The following HOXC5 variants were observed in gnomAD, a reference collection of about 807,000 sequenced individuals.
HOXC5 encodes the protein homeobox C5, also known as homeobox protein Hox-C5.
A neutral mutation model predicts 20.1 loss-of-function variants in HOXC5; 19 were observed. The observed-to-expected ratio is 0.94, with a 90% CI of 0.66 to 1.38. The LOEUF is 1.38. Among genes scored for constraint, HOXC5 ranks in the 40% most tolerant of loss-of-function variants. HOXC5 has a pLI of 0.00. For missense variants in HOXC5, 330 were observed against 300.1 expected (o/e 1.10, Z -0.74); for synonymous variants, 124 against 117.0 (o/e 1.06, Z -0.39).
At position 54,034,601 on chromosome 12, in the gene HOXC5, A is replaced by C. The variant is rs1357895216; in HGVS notation, c.*109A>C. On this transcript the variant is annotated 3_prime_UTR_variant, in exon 2 of 2. Coordinates refer to ENST00000312492, the MANE Select transcript of HOXC5 (RefSeq NM_018953.4). ...TCGGGTCGGGGGCAGGTGCTGGAGC[A>C]CTGGGCTCCCGGGCCCCACAGACAA... The C allele has an allele frequency of 5.7e-6, 5 of 881,170 alleles. No homozygotes were observed. In the African/African-American group the frequency reaches 6.8e-5, roughly 12 times the overall value. The allele number at this position is 881,170 out of a possible 1,614,324, so 54.6% of individuals were successfully genotyped here. A position where few individuals can be genotyped will look rare whatever the true frequency, so the allele number is the denominator to read the frequency against.
At chr12:54,019,253 G>A in the HOXC5 span, among the ~76,000 whole-genome samples, 1 of 130,492 alleles carries the variant, frequency 7.7e-6, no homozygotes, top group Non-Finnish European at 1.5e-5. Context: ...CCTTGTTTAC[G>A]ATCGAGAAAA....
chr12:54,033,211 C>T lies in HOXC5; in HGVS notation c.89C>T (p.Ala30Val). Residue 30 changes from alanine to valine, a missense_variant, in exon 1 of 2, where the codon GCC becomes GTC. Coordinates refer to ENST00000312492, the MANE Select transcript of HOXC5 (RefSeq NM_018953.4). ...CAAACTTGTGGGAACTATGGATCGG[C>T]CTCAGAGGTGCAGGCATCCAGGTAC... ...NMQTCGNYGS[A>V]SEVQASRYCY... The T allele has an allele frequency of 6.2e-7, 1 of 1,614,180 alleles. No individual in the cohort carries two copies. The highest frequency in any genetic ancestry group is 1.1e-5 in the South Asian group (1 of 91,084).
chr12:54,019,434 C>A, the HOXC5 span, among the ~76,000 whole-genome samples: 1,389 of 152,230 alleles, frequency 9.1e-3, 15 homozygotes, highest in African/African-American at 0.031. Flanking sequence ...CGGTGGGACA[C>A]AAGAGGGGCC....
the HOXC5 span, among the ~76,000 whole-genome samples, chr12:54,026,976 G>A: frequency 0.041 from 5,845 of 143,158 alleles, 156 homozygotes; most frequent in East Asian, 0.073. Flanking sequence ...GGGGGGGGGG[G>A]ATATGAGCTT....
At chr12:54,022,012 G>A in the HOXC5 span, 1 of 152,248 alleles carries the variant, frequency 6.6e-6, no homozygotes, top group Non-Finnish European at 1.5e-5. Context: ...TATAGGGTCA[G>A]GGGAATTATG....
upstream of HOXC5, chr12:54,028,542 C>A: frequency 3.1e-6 from 5 of 1,614,098 alleles, no homozygotes; most frequent in Non-Finnish European, 4.2e-6. Flanking sequence ...ACTTCACTAA[C>A]CCTTCCTTAT....
At chr12:54,028,806 C>T, upstream of HOXC5, 1 of 1,614,168 alleles carries the variant, frequency 6.2e-7, no homozygotes, top group Non-Finnish European at 8.5e-7. Context: ...TAGGACATAA[C>T]ACACAGACCT....
upstream of HOXC5, chr12:54,030,579 C>T (rs989241660): frequency 2.0e-5 from 3 of 152,676 alleles, no homozygotes; most frequent in African/African-American, 7.2e-5. Flanking sequence ...AGATTTTTAG[C>T]TGTATTTGTG....
upstream of HOXC5, among the ~76,000 whole-genome samples, chr12:54,031,658 T>C (rs750500934): frequency 1.3e-5 from 2 of 152,134 alleles, no homozygotes; most frequent in African/African-American, 2.4e-5. Flanking sequence ...CCGCCAGAGT[T>C]TTCCGGGCCC....
chr12:54,033,037 G>A (rs1941045475), upstream of HOXC5: 12 of 1,097,312 alleles, frequency 1.1e-5, no homozygotes, highest in Admixed American at 2.6e-4. Flanking sequence ...GTCCACTTTG[G>A]AGAACAAAAA....
chr12:54,032,425 C>A (rs566930540), upstream of HOXC5, among the ~76,000 whole-genome samples: 1 of 152,382 alleles, frequency 6.6e-6, no homozygotes, highest in South Asian at 2.1e-4. Context: ...AGGCAAGGGA[C>A]TTCTACCTTT....
At chr12:54,020,493 C>T in the HOXC5 span, 1 of 152,248 alleles carries the variant, frequency 6.6e-6, no homozygotes, top group South Asian at 2.1e-4. Flanking sequence ...AGAAGGCGAC[C>T]TTGTTGGGTT....
At chr12:54,020,287 T>A in the HOXC5 span, 1 of 152,210 alleles carries the variant, frequency 6.6e-6, no homozygotes, top group African/African-American at 2.4e-5. Flanking sequence ...CTGGCAACAT[T>A]CCTTGGAGCC....
rs1302490071 is a variant in HOXC5, at chr12:54,033,157, A to T, written c.35A>T (p.Gln12Leu). The change falls in exon 1 of 2, where the codon CAG becomes CTG. Residue 12 changes from glutamine (Q) to leucine (L), a missense_variant. By Grantham distance (113) the Gln-to-Leu change is moderately radical. Transcript: ENST00000312492. ...SSYVANSFYK[Q>L]SPNIPAYNMQ... ...TACGTAGCCAATTCATTCTATAAGCAGAGCCCCAATATCCCTGCCTATAAC... is the reference window on the plus strand; with the variant it reads ...TACGTAGCCAATTCATTCTATAAGCTGAGCCCCAATATCCCTGCCTATAAC... The T allele has an allele frequency of 3.7e-6, 6 of 1,613,640 alleles. No homozygotes were observed. The highest frequency in any genetic ancestry group is 5.1e-6 in the Non-Finnish European group (6 of 1,179,666).
At chr12:54,025,566 G>C in the HOXC5 span, among the ~76,000 whole-genome samples, 1 of 150,766 alleles carries the variant, frequency 6.6e-6, no homozygotes. Context: ...TTTGCCAAAG[G>C]TCTTTAAGCA....
chr12:54,033,233 G>T lies in HOXC5; in HGVS notation c.111G>T (p.Arg37Ser). Reference sequence around the variant, plus strand: ...CGGCCTCAGAGGTGCAGGCATCCAGGTACTGCTACGGCGGATTGGACTTAA... The same window carrying T: ...CGGCCTCAGAGGTGCAGGCATCCAGTTACTGCTACGGCGGATTGGACTTAA... ...YGSASEVQAS[R>S]YCYGGLDLSI... Residue 37 changes from arginine (R) to serine (S), a missense_variant, in exon 1 of 2, where the codon AGG becomes AGT. Physicochemically the swap from Arg to Ser is moderately radical, Grantham distance 110. Coordinates refer to ENST00000312492, the MANE Select transcript of HOXC5 (RefSeq NM_018953.4). 6.2e-7 allele frequency: 1 copy of T among 1,614,172 alleles called. No individual in the cohort carries two copies.
chr12:54,029,720 C>G (rs1241116315), upstream of HOXC5: 1 of 1,614,192 alleles, frequency 6.2e-7, no homozygotes, highest in East Asian at 2.2e-5. Context: ...GACCCTGGAA[C>G]TGGAGAAGGA....
At chr12:54,030,079 A>C, upstream of HOXC5, 1 of 1,060,176 alleles carries the variant, frequency 9.4e-7, no homozygotes, top group Non-Finnish European at 1.3e-6. Context: ...ATTCCCTAAA[A>C]CAAAATTAGG....
the HOXC5 span, among the ~76,000 whole-genome samples, chr12:54,026,223 G>T: frequency 2.0e-5 from 3 of 152,136 alleles, no homozygotes; most frequent in Non-Finnish European, 2.9e-5. Context: ...GAGGCTACTT[G>T]TGTCCAGGGG....
Sources: gnomAD v4.1 joint callset for allele counts (sites outside exome capture counted in the v4.1 genomes callset) on GRCh38, gnomAD v4.1.1 for gene constraint, MANE v1.5 for transcripts, NCBI Gene and HGNC (gene_info 2026-07-23, HGNC 2026-07-21) for gene names.